Variants in TRIM55 observed in about 807,000 individuals in gnomAD.
The protein encoded by TRIM55 is tripartite motif containing 55.
A neutral mutation model predicts 60.9 loss-of-function variants in TRIM55; 50 were observed. The observed-to-expected ratio is 0.82, with a 90% CI of 0.65 to 1.04. The LOEUF is 1.04. TRIM55 is among the 50% of genes least tolerant of loss of function. TRIM55 has a pLI of 0.00. For synonymous variants in TRIM55, 237 were observed against 238.1 expected, an observed-to-expected ratio of 1.00 and a Z score of 0.04; for missense variants, 681 against 666.9, an observed-to-expected ratio of 1.02 and a Z score of -0.23.
upstream of TRIM55, among the ~76,000 whole-genome samples, chr8:66,122,954 C>T (rs1014463430): frequency 4.6e-5 from 7 of 152,190 alleles, no homozygotes; most frequent in East Asian, 1.2e-3. Flanking sequence ...AACACTGTCT[C>T]TTCTGAGGAA....
chr8:66,141,813 G>A (rs1018838183), intron 4 of TRIM55, among the ~76,000 whole-genome samples: 5 of 152,162 alleles, frequency 3.3e-5, no homozygotes, highest in African/African-American at 1.2e-4. Flanking sequence ...ATTTTGCAGT[G>A]ATAACAAATT....
At chr8:66,154,966 T>C (rs770870130) in intron 9 of TRIM55, among the ~76,000 whole-genome samples, 5 of 152,186 alleles carry the variant, frequency 3.3e-5, no homozygotes, top group Admixed American at 6.5e-5. Context: ...TATGATGAGT[T>C]TGAAGTCCAT....
intron 7 of TRIM55, 59 bp downstream of exon 7, chr8:66,150,525 G>T: frequency 6.2e-7 from 1 of 1,603,186 alleles, no homozygotes. Context: ...CTGCCGAAGA[G>T]TTGGGTGGGA....
upstream of TRIM55, among the ~76,000 whole-genome samples, chr8:66,126,479 T>C (rs1278723670): frequency 2.0e-5 from 3 of 152,234 alleles, no homozygotes; most frequent in East Asian, 5.8e-4. Context: ...GTAACTTTTT[T>C]CTCAAATAAT....
chr8:66,140,081 A>C (rs9643575), intron 4 of TRIM55, among the ~76,000 whole-genome samples: 44,855 of 152,190 alleles, frequency 0.29, 8,102 homozygotes, highest in Middle Eastern at 0.44. Flanking sequence ...TAGGAGCAAT[A>C]GATTGTGCTA....
rs1364981634 is a variant in TRIM55 at position 66,152,248 on chromosome 8, T to C, written c.986-129T>C. The C allele has an allele frequency of 4.7e-6, 6 of 1,280,268 alleles. No individual in the cohort carries two copies. The South Asian group carries it at 4.7e-5, about 10-fold the overall frequency. 79.3% of individuals were successfully genotyped at this position (1,280,268 alleles called of 1,614,324 possible). A position where few individuals can be genotyped will look rare whatever the true frequency, so the allele number is the denominator to read the frequency against. ...GCCCTGGCACGGCACACTTGGACCA[T>C]TGTCAAGTGTCTGTCAGAGAAAAAC... On this transcript the variant is annotated intron_variant, in intron 7 of 9. Transcript: ENST00000315962.
At chr8:66,170,423 T>C (rs1269186108) in intron 9 of TRIM55, among the ~76,000 whole-genome samples, 1 of 152,204 alleles carries the variant, frequency 6.6e-6, no homozygotes, top group African/African-American at 2.4e-5. Flanking sequence ...TTTTTCTCCT[T>C]TTTAAGGCTG....
chr8:66,160,660 G>T (rs1586241438), intron 9 of TRIM55, among the ~76,000 whole-genome samples: 1 of 151,760 alleles, frequency 6.6e-6, no homozygotes, highest in East Asian at 1.9e-4. Flanking sequence ...TTGTTCCCTT[G>T]TCACCTCATC....
At chr8:66,164,883 G>A (rs1586251299) in intron 9 of TRIM55, among the ~76,000 whole-genome samples, 1 of 151,142 alleles carries the variant, frequency 6.6e-6, no homozygotes, top group African/African-American at 2.4e-5. Context: ...ACAGAAAAAA[G>A]GCAGGGAGGA....
In TRIM55 at chr8:66,152,512, A is replaced by T; in HGVS notation, c.1121A>T (p.Glu374Val). ...TEFPGEDENP[E>V]KASELSQVEL... Reference sequence around the variant, plus strand: ...TTTCCAGGAGAAGATGAAAACCCAGAAAAAGCTTCAGAGCTCTCTCAGGTG... The same window carrying T: ...TTTCCAGGAGAAGATGAAAACCCAGTAAAAGCTTCAGAGCTCTCTCAGGTG... Residue 374 changes from glutamate to valine, a missense_variant, in exon 8 of 10, where the codon GAA (glutamate) becomes GTA (valine). Glu to Val is a moderately radical substitution (Grantham distance 121). Transcript: ENST00000315962. 6.2e-7 allele frequency: 1 copy of T among 1,614,058 alleles called. No homozygotes were observed. Among genetic ancestry groups the T allele is most frequent in the Non-Finnish European group, 8.5e-7 (1 of 1,180,016 alleles).
At chr8:66,142,598 C>T (rs2128977387) in intron 4 of TRIM55, among the ~76,000 whole-genome samples, 1 of 152,312 alleles carries the variant, frequency 6.6e-6, no homozygotes, top group African/African-American at 2.4e-5. Context: ...CCAGAAAAAC[C>T]AAAATGCCAA....
chr8:66,140,677 A>G (rs1435873596), intron 4 of TRIM55, among the ~76,000 whole-genome samples: 4 of 152,242 alleles, frequency 2.6e-5, no homozygotes, highest in East Asian at 1.9e-4. Context: ...GCAGGACAAC[A>G]TGCAGCAAAC....
chr8:66,157,844 CA>C (rs1192089713), intron 9 of TRIM55, among the ~76,000 whole-genome samples: 1 of 152,086 alleles, frequency 6.6e-6, no homozygotes, highest in Admixed American at 6.5e-5. Context: ...TCTCTTCACC[CA>C]AGTACACAGG....
intron 2 of TRIM55, among the ~76,000 whole-genome samples, chr8:66,134,594 A>C (rs537639536): frequency 1.3e-5 from 2 of 152,324 alleles, no homozygotes; most frequent in East Asian, 1.9e-4. Context: ...GCATGTAGAC[A>C]CAGTGCTGGA....
chr8:66,127,457 G>A, intron 1 of TRIM55, 21 bp downstream of exon 1: 1 of 1,610,254 alleles, frequency 6.2e-7, no homozygotes, highest in Non-Finnish European at 8.5e-7. Flanking sequence ...TTGGAATTTG[G>A]TTGAGGGGAG....
At chr8:66,114,619 C>G in the TRIM55 span, 1 of 456,208 alleles carries the variant, frequency 2.2e-6, no homozygotes, top group African/African-American at 2.0e-5. Flanking sequence ...GAAAACAAAA[C>G]AAGAAACAGA....
intron 9 of TRIM55, among the ~76,000 whole-genome samples, chr8:66,172,423 C>A (rs550191272): frequency 1.3e-5 from 2 of 152,300 alleles, no homozygotes; most frequent in African/African-American, 4.8e-5. Flanking sequence ...GATAACCCCC[C>A]ACTCTGGTAC....
intron 2 of TRIM55, 70 bp downstream of exon 2, chr8:66,128,546 G>A (rs1371083934): frequency 2.3e-5 from 35 of 1,492,732 alleles, no homozygotes; most frequent in East Asian, 1.1e-4. Context: ...GTTTTAATGG[G>A]TTGCTACGCT....
At chr8:66,131,539 T>C (rs1809158818) in intron 2 of TRIM55, among the ~76,000 whole-genome samples, 1 of 152,216 alleles carries the variant, frequency 6.6e-6, no homozygotes, top group African/African-American at 2.4e-5. Context: ...ATTCTTTTAC[T>C]CTCCCCCTGG....
Sources: gnomAD v4.1 joint callset for allele counts (sites outside exome capture counted in the v4.1 genomes callset) on GRCh38, gnomAD v4.1.1 for gene constraint, MANE v1.5 for transcripts, NCBI Gene and HGNC (gene_info 2026-07-23, HGNC 2026-07-21) for gene names.